LAMA5: variants seen among roughly 807,000 people sequenced by gnomAD.
The protein encoded by LAMA5 is laminin subunit alpha 5.
In LAMA5, 260 loss-of-function variants were observed where a neutral mutation model predicts 433.4. The observed-to-expected ratio is 0.60, with a 90% CI of 0.54 to 0.66. The LOEUF (loss-of-function observed/expected upper bound fraction) is 0.66, where lower values mean the gene tolerates loss of function less well. Among genes scored for constraint, LAMA5 ranks in the 30% least tolerant of loss-of-function variants. The pLI is 0.00. For synonymous variants in LAMA5, 2,620 were observed against 2,226.6 expected, an observed-to-expected ratio of 1.18 and a Z score of -4.97; for missense variants, 5,378 against 5,258.5, an observed-to-expected ratio of 1.02 and a Z score of -0.70.
chr20:62,321,014 G>C (rs1428219091), intron 48 of LAMA5, 124 bp from the exon 49 acceptor site: 7 of 1,059,812 alleles, frequency 6.6e-6, no homozygotes, highest in Middle Eastern at 2.4e-4. Flanking sequence ...TCAGCTTAGG[G>C]ACACAGGACC....
chr20:62,351,719 G>T lies in LAMA5; in HGVS notation c.941C>A (p.Pro314His). The change falls in exon 6 of 80, where the codon CCC becomes CAC. Residue 314 changes from proline to histidine, a missense_variant. Transcript: ENST00000252999. ...GGGGCCTCACCTGAACGGGTCCGTG[G>T]GGTCTTTGGCATCGCAGGCATCCGC... ...GHADACDAKD[P>H]TDPFRLQCTC... is the part of the protein sequence containing the mutation. The T allele has an allele frequency of 6.2e-7, 1 of 1,611,778 alleles. No individual in the cohort carries two copies. The highest frequency in any genetic ancestry group is 8.5e-7 in the Non-Finnish European group (1 of 1,179,764).
rs375051409 is a variant in LAMA5 at position 62,310,693 on chromosome 20, G to C, written c.10418C>G (p.Pro3473Arg). The change falls in exon 75 of 80, where the codon CCG (proline) becomes CGG (arginine). Residue 3473 changes from proline (P) to arginine (R), a missense_variant. By Grantham distance (103) the Pro-to-Arg change is moderately radical. Coordinates refer to ENST00000252999, the MANE Select transcript of LAMA5 (RefSeq NM_005560.6). ...QPHTLFVGGL[P>R]ASSHSSKLPV... Reference sequence around the variant, plus strand: ...AAGTTTGGAGCTGTGGCTGCTGGCCGGGAGGCCGCCCACAAAGAGGGTGTG... The same window carrying C: ...AAGTTTGGAGCTGTGGCTGCTGGCCCGGAGGCCGCCCACAAAGAGGGTGTG... The C allele has an allele frequency of 1.1e-5, 17 of 1,602,296 alleles. No individual in the cohort carries two copies. The highest frequency in any genetic ancestry group is 1.4e-5 in the Non-Finnish European group (16 of 1,177,946).
Position 62,330,777 on chromosome 20 carries a change from G to C in LAMA5, c.3818C>G (p.Pro1273Arg), listed in dbSNP as rs934971024. Residue 1273 changes from proline to arginine, a missense_variant, in exon 30 of 80, where the codon CCT becomes CGT. Pro to Arg is a moderately radical substitution (Grantham distance 103, BLOSUM62 -2). Coordinates refer to ENST00000252999, the MANE Select transcript of LAMA5 (RefSeq NM_005560.6). ...ACGCAGCAGGGTGGGCTCTGCATCA[G>C]GGTCCACAGCGGTGGGGGGCCGAGG... ...PRPRPPTAVD[P>R]DAEPTLLREP... 1.3e-6 allele frequency: 2 copies of C among 1,564,232 alleles called. No homozygotes were observed. The highest frequency in any genetic ancestry group is 2.7e-5 in the African/African-American group (2 of 73,760).
In LAMA5 at chr20:62,310,667, G is replaced by C. The variant is rs757312848; in HGVS notation, c.10444C>G (p.Pro3482Ala). The C allele has an allele frequency of 1.2e-6, 2 of 1,602,836 alleles. No individual in the cohort carries two copies. Among genetic ancestry groups the C allele is most frequent in the Middle Eastern group, 1.7e-4 (1 of 6,032 alleles). ...LPASSHSSKL[P>A]VTVGFSGCVK... The stretch of plus-strand genomic sequence containing the variant: ...GGCTGGGGCAAGATGGTTCTCACCG[G>C]AAGTTTGGAGCTGTGGCTGCTGGCC... The change falls in exon 75 of 80, where the codon CCG becomes GCG. Residue 3482 changes from proline to alanine, a missense_variant and splice_region_variant. Physicochemically the swap from Pro to Ala is conservative, Grantham distance 27. Transcript: ENST00000252999.
At chr20:62,315,875 CAT>C (rs1161294397) in intron 58 of LAMA5, 71 bp downstream of exon 58, 4 of 1,165,340 alleles carry the variant, frequency 3.4e-6, no homozygotes, top group Non-Finnish European at 2.5e-6. Flanking sequence ...TCACCAACCA[CAT>C]GTGGCCAGCG....
Position 62,315,937 on chromosome 20 carries a change from G to A in LAMA5, c.7867+11C>T, listed in dbSNP as rs866156826. On this transcript the variant is annotated intron_variant, in intron 58 of 79. Coordinates refer to ENST00000252999, the MANE Select transcript of LAMA5 (RefSeq NM_005560.6). ...GGCCGGCTGCGAGAGCCGGGCCCAG[G>A]CTCCGCATACCTGTGTCCATGGCAA... 5 of 1,574,582 alleles carry A rather than the reference G, an allele frequency of 3.2e-6. No homozygotes were observed. The highest frequency in any genetic ancestry group is 2.0e-4 in the Middle Eastern group (1 of 4,998).
intron 41 of LAMA5, chr20:62,325,030 A>T: frequency 3.2e-6 from 1 of 314,968 alleles, no homozygotes; most frequent in Middle Eastern, 8.9e-4. Context: ...TGTCCAGGTG[A>T]CCCAGTGGTG....
At position 62,336,733 on chromosome 20, in the gene LAMA5, C is replaced by T. The variant is rs1307282750; in HGVS notation, c.2217+1G>A. On this transcript the variant is annotated splice_donor_variant, in intron 17 of 79. Transcript: ENST00000252999. LOFTEE classifies it high-confidence loss of function. ...CCACACACGAGCAGACTTGGGCTCACCTCAGGAAGGGCAGGATCCACTGGG... is the reference window on the plus strand; with the variant it reads ...CCACACACGAGCAGACTTGGGCTCATCTCAGGAAGGGCAGGATCCACTGGG... The T allele has an allele frequency of 6.2e-7, 1 of 1,613,098 alleles. No individual in the cohort carries two copies. The highest frequency in any genetic ancestry group is 1.1e-5 in the South Asian group (1 of 91,084).
chr20:62,315,893 G>T, intron 58 of LAMA5, 55 bp downstream of exon 58: 1 of 1,367,300 alleles, frequency 7.3e-7, no homozygotes, highest in Non-Finnish European at 1.0e-6. Flanking sequence ...CAGCGCCACT[G>T]TCACAGAGCC....
chr20:62,312,730 C>G lies in LAMA5; in HGVS notation c.9129G>C (p.Val3043=). Residue 3043 remains valine, a synonymous_variant, in exon 67 of 80, where the codon GTG becomes GTC. Coordinates refer to ENST00000252999, the MANE Select transcript of LAMA5 (RefSeq NM_005560.6). ...GGSRKRVLVR[V]ERATVYSVEQ... Reference sequence around the variant, plus strand: ...CCACGCTGTACACCGTGGCCCGCTCCACACGCACCAGCACACGCTTGCGGC... The same window carrying G: ...CCACGCTGTACACCGTGGCCCGCTCGACACGCACCAGCACACGCTTGCGGC... 6.3e-7 allele frequency: 1 copy of G among 1,596,618 alleles called. No homozygotes were observed. Among genetic ancestry groups the G allele is most frequent in the Non-Finnish European group, 8.5e-7 (1 of 1,172,884 alleles).
rs774208688 is a variant in LAMA5, at chr20:62,329,873, G to A, written c.4023C>T (p.Arg1341=). ...ASFCPHGYGC[R]TLVVCEGQAL... Reference sequence around the variant, plus strand: ...CCTGGCCCTCACACACCACCAGGGTGCGGCAGCCGTAGCCATGTGGACAGA... The same window carrying A: ...CCTGGCCCTCACACACCACCAGGGTACGGCAGCCGTAGCCATGTGGACAGA... The change falls in exon 32 of 80, where the codon CGC becomes CGT. Residue 1341 remains arginine, a synonymous_variant. Transcript: ENST00000252999. The A allele has an allele frequency of 1.2e-6, 2 of 1,611,018 alleles. No homozygotes were observed. Among genetic ancestry groups the A allele is most frequent in the East Asian group, 2.2e-5 (1 of 44,884 alleles).
In LAMA5 at chr20:62,367,204, G is replaced by A. The variant is rs1176067508; in HGVS notation, c.42C>T (p.Arg14=). 8.2e-7 allele frequency: 1 copy of A among 1,218,620 alleles called. No individual in the cohort carries two copies. Among genetic ancestry groups the A allele is most frequent in the Non-Finnish European group, 1.0e-6 (1 of 980,868 alleles). The allele number at this position is 1,218,620 out of a possible 1,614,324, so 75.5% of individuals were successfully genotyped here. The stretch of plus-strand genomic sequence containing the variant: ...GCAGCGGCGCGGGGCCCCGGGGGCC[G>A]CGAACACACAGTGCGCTCCCCGCGC... ...RLCAGSALCV[R]GPRGPAPLLL... Residue 14 remains arginine (R), a synonymous_variant, in exon 1 of 80, where the codon CGC becomes CGT. Coordinates refer to ENST00000252999, the MANE Select transcript of LAMA5 (RefSeq NM_005560.6).
rs1450328707 is a variant in LAMA5 at position 62,330,527 on chromosome 20, G to C, written c.3940C>G (p.Pro1314Ala). 6.3e-7 allele frequency: 1 copy of C among 1,575,940 alleles called. No individual in the cohort carries two copies. Among genetic ancestry groups the C allele is most frequent in the African/African-American group, 1.3e-5 (1 of 74,590 alleles). ...CCGGCGTTGATGAGGACTTCCACGG[G>C]GAAGGTGGGGTGGGCTGGCTGGTAG... ...HGYQPAHPTF[P>A]VEVLINAGRV... Residue 1314 changes from proline to alanine, a missense_variant, in exon 31 of 80, where the codon CCC becomes GCC. Coordinates refer to ENST00000252999, the MANE Select transcript of LAMA5 (RefSeq NM_005560.6).
rs768695494 is a variant in LAMA5 at position 62,311,121 on chromosome 20, C to A, written c.10089-27G>T. 15 of 1,562,530 alleles carry A rather than the reference C, an allele frequency of 9.6e-6. No homozygotes were observed. The East Asian group carries it at 3.2e-4, about 33-fold the overall frequency. ...TGGAAGCGGAGCTGGCGTCAGCCTG[C>A]GCGGCCCCTCTCAGCCCACCCCAGC... On this transcript the variant is annotated intron_variant, in intron 73 of 79. Coordinates refer to ENST00000252999, the MANE Select transcript of LAMA5 (RefSeq NM_005560.6).
At chr20:62,343,498 G>C (rs760894692) in intron 11 of LAMA5, among the ~76,000 whole-genome samples, 13 of 152,190 alleles carry the variant, frequency 8.5e-5, no homozygotes, top group Non-Finnish European at 1.3e-4. Flanking sequence ...GATACAGGCT[G>C]GGCGCAGAGG....
Position 62,311,007 on chromosome 20 carries a change from C to G in LAMA5, c.10176G>C (p.Leu3392=). Residue 3392 remains leucine, a synonymous_variant, in exon 74 of 80, where the codon CTG becomes CTC. Transcript: ENST00000252999. ...AGTGGCCATTGCTCAGGAAGAGCGC[C>G]AGGGAGGGGCTGCCGGGCCTCAGAC... ...TARLRPGSPS[L]ALFLSNGHFV... 6.2e-7 allele frequency: 1 copy of G among 1,610,530 alleles called. No homozygotes were observed. The highest frequency in any genetic ancestry group is 1.3e-5 in the African/African-American group (1 of 75,018).
chr20:62,321,896 CGG>C, intron 48 of LAMA5, 121 bp downstream of exon 48: 1 of 965,742 alleles, frequency 1.0e-6, no homozygotes, highest in East Asian at 2.4e-5. Flanking sequence ...ATGGGTCTCT[CGG>C]GAAATGGAAG....
chr20:62,339,120 G>T (rs181809897), intron 11 of LAMA5, among the ~76,000 whole-genome samples: 1 of 151,544 alleles, frequency 6.6e-6, no homozygotes, highest in Non-Finnish European at 1.5e-5. Flanking sequence ...CTATCAAAAC[G>T]CTTCATTAGT....
At chr20:62,330,230 G>A (rs557669920) in intron 31 of LAMA5, among the ~76,000 whole-genome samples, 1 of 152,384 alleles carries the variant, frequency 6.6e-6, no homozygotes, top group Non-Finnish European at 1.5e-5. Context: ...CCTGGGGCAA[G>A]CCCTCAATTC....
Sources: allele counts gnomAD v4.1 joint callset (sites outside exome capture counted in the v4.1 genomes callset), GRCh38; gene constraint gnomAD v4.1.1; transcripts MANE v1.5; gene names NCBI Gene and HGNC (gene_info 2026-07-23, HGNC 2026-07-21).